SLC2A13: variants seen among roughly 807,000 people sequenced by gnomAD.
SLC2A13 encodes solute carrier family 2 member 13, also known as proton myo-inositol cotransporter.
A neutral mutation model predicts 64.4 loss-of-function variants in SLC2A13; 32 were observed. The ratio of observed to expected loss-of-function variants is 0.50; its 90% CI spans 0.37 to 0.67. SLC2A13 has a LOEUF of 0.67. SLC2A13 is among the 30% of genes least tolerant of loss of function. The pLI is 0.00. For synonymous variants in SLC2A13, 338 were observed against 327.1 expected, an observed-to-expected ratio of 1.03 and a Z score of -0.36; for missense variants, 743 against 829.2, an observed-to-expected ratio of 0.90 and a Z score of 1.28.
intron 1 of SLC2A13, among the ~76,000 whole-genome samples, chr12:40,077,407 T>C (rs17518329): frequency 0.023 from 3,481 of 152,208 alleles, 139 homozygotes; most frequent in African/African-American, 0.079. Context: ...ATTAAATAGG[T>C]AATCCTTTCC....
chr12:39,769,463 T>C lies in SLC2A13; in HGVS notation c.1446-4605A>G, dbSNP rs572958547. On this transcript the variant is annotated intron_variant, in intron 7 of 9. Coordinates refer to ENST00000280871, the MANE Select transcript of SLC2A13 (RefSeq NM_052885.4). ...GAATTGAAGATCATTACTTTGAACA[T>C]CAATTTTTCTCTATCAGCTTCTACT... 1.5e-4 allele frequency among the ~76,000 whole-genome samples: 23 copies of C among 152,204 alleles called. No individual in the cohort carries two copies. In the South Asian group the frequency reaches 4.8e-3, roughly 32 times the overall value.
chr12:40,074,698 C>T (rs1171757242), intron 1 of SLC2A13, among the ~76,000 whole-genome samples: 1 of 152,106 alleles, frequency 6.6e-6, no homozygotes, highest in Admixed American at 6.6e-5. Flanking sequence ...TCCTTCAGCC[C>T]ATTTTTCCCC....
At chr12:39,913,295 T>C (rs916641854) in intron 4 of SLC2A13, among the ~76,000 whole-genome samples, 1 of 151,900 alleles carries the variant, frequency 6.6e-6, no homozygotes, top group Non-Finnish European at 1.5e-5. Context: ...AAGTTAGAGA[T>C]AAGAGAACAA....
chr12:40,089,588 A>G (rs999558006), intron 1 of SLC2A13, among the ~76,000 whole-genome samples: 1 of 152,152 alleles, frequency 6.6e-6, no homozygotes, highest in Admixed American at 6.6e-5. Flanking sequence ...CATCTCCTCA[A>G]CAAAGGTCAC....
intron 3 of SLC2A13, among the ~76,000 whole-genome samples, chr12:40,020,457 A>C (rs935448080): frequency 3.9e-5 from 6 of 152,104 alleles, no homozygotes; most frequent in African/African-American, 1.4e-4. Context: ...ACCTTCCACT[A>C]TGATTCTGAA....
intron 2 of SLC2A13, 29 bp downstream of exon 2, chr12:40,048,022 A>G: frequency 6.4e-7 from 1 of 1,555,632 alleles, no homozygotes; most frequent in Non-Finnish European, 8.7e-7. Flanking sequence ...CAAGATTTGA[A>G]AAATTAAATG....
chr12:39,937,040 A>T (rs1199233776), intron 4 of SLC2A13, among the ~76,000 whole-genome samples: 2 of 152,184 alleles, frequency 1.3e-5, no homozygotes, highest in Admixed American at 1.3e-4. Flanking sequence ...TGAGTAGGAA[A>T]AGCCATGAAG....
chr12:39,997,252 C>T (rs945927026), intron 3 of SLC2A13, among the ~76,000 whole-genome samples: 1 of 152,070 alleles, frequency 6.6e-6, no homozygotes, highest in Non-Finnish European at 1.5e-5. Flanking sequence ...ACCAACTGAC[C>T]TTCAACAAAG....
intron 3 of SLC2A13, among the ~76,000 whole-genome samples, chr12:40,019,226 C>T (rs1431031134): frequency 1.3e-5 from 2 of 152,150 alleles, no homozygotes; most frequent in Non-Finnish European, 2.9e-5. Context: ...ACTATTTTGC[C>T]AACTGATTTT....
chr12:40,039,939 A>C (rs1226775390), intron 2 of SLC2A13, among the ~76,000 whole-genome samples: 1 of 152,230 alleles, frequency 6.6e-6, no homozygotes, highest in Non-Finnish European at 1.5e-5. Context: ...TATTTTCACT[A>C]TCCTAAATAT....
At chr12:40,078,956 C>G (rs1327273819) in intron 1 of SLC2A13, among the ~76,000 whole-genome samples, 1 of 152,056 alleles carries the variant, frequency 6.6e-6, no homozygotes, top group Non-Finnish European at 1.5e-5. Context: ...GTTCTGTTTT[C>G]TGCATTTCTG....
Position 39,839,210 on chromosome 12 carries a change from G to A in SLC2A13, c.1320-8982C>T, listed in dbSNP as rs185102129. 7.4e-4 allele frequency among the ~76,000 whole-genome samples: 113 copies of A among 152,136 alleles called. 1 individual carries two copies. The highest frequency in any genetic ancestry group is 2.6e-3 in the African/African-American group (109 of 41,534). On this transcript the variant is annotated intron_variant, in intron 6 of 9. Coordinates refer to ENST00000280871, the MANE Select transcript of SLC2A13 (RefSeq NM_052885.4). ...CACCGCCACTACCAGTCGGGACAGC[G>A]ACTCCATGCCTTGCTTGGAGCCTCG...
chr12:39,788,370 A>G (rs1941264991), intron 7 of SLC2A13, among the ~76,000 whole-genome samples: 1 of 152,182 alleles, frequency 6.6e-6, no homozygotes, highest in Non-Finnish European at 1.5e-5. Context: ...ACAGTGCAAT[A>G]GTGCAACAGG....
At chr12:39,871,727 A>AT in intron 5 of SLC2A13, 71 bp downstream of exon 5, 1 of 1,446,694 alleles carries the variant, frequency 6.9e-7, no homozygotes, top group African/African-American at 1.4e-5. Context: ...TAAGTATTGT[A>AT]TTTTTGAAGG....
chr12:39,793,794 G>A (rs924247937), intron 7 of SLC2A13, among the ~76,000 whole-genome samples: 4 of 151,846 alleles, frequency 2.6e-5, no homozygotes, highest in African/African-American at 7.3e-5. Context: ...TAATTTCTAG[G>A]GTCATTAATC....
In SLC2A13 at chr12:39,926,017, A is replaced by G. The variant is rs189704063; in HGVS notation, c.1034+25240T>C. Reference sequence around the variant, plus strand: ...ACAGATAGTAAAATAAAAATGAAGCATATGTTCTCATTTGGGCACGAATTT... The same window carrying G: ...ACAGATAGTAAAATAAAAATGAAGCGTATGTTCTCATTTGGGCACGAATTT... On this transcript the variant is annotated intron_variant, in intron 4 of 9. Transcript: ENST00000280871. Among the ~76,000 whole-genome samples, 648 of 152,308 alleles carry G rather than the reference A, an allele frequency of 4.3e-3. 6 individuals are homozygous for G. The highest frequency in any genetic ancestry group is 8.8e-3 in the Admixed American group (134 of 15,282).
intron 4 of SLC2A13, among the ~76,000 whole-genome samples, chr12:39,902,253 A>G (rs1945144834): frequency 6.6e-6 from 1 of 151,418 alleles, no homozygotes; most frequent in African/African-American, 2.4e-5. Flanking sequence ...TGACGAATTA[A>G]TGGGTGCAGC....
intron 3 of SLC2A13, among the ~76,000 whole-genome samples, chr12:39,998,440 C>A (rs896692443): frequency 1.3e-5 from 2 of 152,184 alleles, no homozygotes; most frequent in Non-Finnish European, 2.9e-5. Context: ...TGGAGCTGCC[C>A]AAGGCTGTGG....
intron 4 of SLC2A13, among the ~76,000 whole-genome samples, chr12:39,875,890 T>C (rs1326416175): frequency 6.6e-6 from 1 of 152,214 alleles, no homozygotes; most frequent in South Asian, 2.1e-4. Context: ...TAAACCTTTA[T>C]GCAGTAGTTT....
Sources: gnomAD v4.1 joint callset for allele counts (sites outside exome capture counted in the v4.1 genomes callset) on GRCh38, gnomAD v4.1.1 for gene constraint, MANE v1.5 for transcripts, NCBI Gene and HGNC (gene_info 2026-07-23, HGNC 2026-07-21) for gene names.